ZAN: variants seen among roughly 807,000 people sequenced by gnomAD.
ZAN encodes the protein zonadhesin, also known as zonadhesin (gene/pseudogene).
In ZAN, 260 loss-of-function variants were observed where a neutral mutation model predicts 286.2. That is an observed-to-expected ratio of 0.91 (90% CI 0.82 to 1.01). The LOEUF (loss-of-function observed/expected upper bound fraction) is 1.01. ZAN is among the 50% of genes least tolerant of loss of function. The pLI, the probability that ZAN is intolerant of heterozygous loss-of-function variation, is 0.00. For missense variants in ZAN, 3,410 were observed against 3,639.2 expected (o/e 0.94, Z 1.62); for synonymous variants, 1,368 against 1,417.5 (o/e 0.97, Z 0.79).
At chr7:100,764,793 G>A (rs1464464328) in intron 22 of ZAN, among the ~76,000 whole-genome samples, 4 of 152,038 alleles carry the variant, frequency 2.6e-5, no homozygotes, top group African/African-American at 4.8e-5. Context: ...CAGGAAAATC[G>A]CTTGAACCCG....
At chr7:100,749,213 GCA>G (rs1808437997) in intron 11 of ZAN, among the ~76,000 whole-genome samples, 1 of 151,968 alleles carries the variant, frequency 6.6e-6, no homozygotes, top group African/African-American at 2.4e-5. Context: ...GTGGTGGCGT[GCA>G]CCTGTAGTCC....
At chr7:100,776,143 G>A (rs1043144670) in intron 33 of ZAN, among the ~76,000 whole-genome samples, 2 of 151,754 alleles carry the variant, frequency 1.3e-5, no homozygotes, top group Admixed American at 1.3e-4. Flanking sequence ...GTGAAACCCC[G>A]TCTCTATTAA....
Position 100,752,241 on chromosome 7 carries a change from C to T in ZAN, c.2136C>T (p.Ile712=), listed in dbSNP as rs1289481992. Residue 712 remains isoleucine, a synonymous_variant, in exon 14 of 48, where the codon ATC becomes ATT. Transcript: ENST00000613979. ...ETIISTEKPT[I]SPEKPTIPTE... Reference sequence around the variant, plus strand: ...TCATCTCCACAGAAAAACCCACCATCTCCCCAGAAAAACCCACCATCCCCA... The same window carrying T: ...TCATCTCCACAGAAAAACCCACCATTTCCCCAGAAAAACCCACCATCCCCA... 13 of 1,606,872 alleles carry T rather than the reference C, an allele frequency of 8.1e-6. No homozygotes were observed. The highest frequency in any genetic ancestry group is 1.1e-5 in the Non-Finnish European group (13 of 1,177,530).
chr7:100,791,713 G>A (rs1227594143), intron 40 of ZAN, among the ~76,000 whole-genome samples: 1 of 151,596 alleles, frequency 6.6e-6, no homozygotes, highest in African/African-American at 2.4e-5. Flanking sequence ...AGCCCCAGTA[G>A]TTCTTATTTC....
intron 31 of ZAN, among the ~76,000 whole-genome samples, chr7:100,774,215 C>T (rs1277757872): frequency 6.6e-6 from 1 of 152,132 alleles, no homozygotes; most frequent in African/African-American, 2.4e-5. Context: ...ATGGCTAAAC[C>T]CCGTCTCTAC....
At chr7:100,783,943 A>G (rs1278535034) in intron 35 of ZAN, among the ~76,000 whole-genome samples, 3 of 148,748 alleles carry the variant, frequency 2.0e-5, no homozygotes, top group Non-Finnish European at 4.4e-5. Context: ...ATTTGTTCAC[A>G]CTATTTTTGC....
chr7:100,760,146 C>T (rs1439813640), intron 18 of ZAN, among the ~76,000 whole-genome samples: 4 of 151,936 alleles, frequency 2.6e-5, no homozygotes, highest in East Asian at 1.9e-4. Flanking sequence ...CCTGGGAGGT[C>T]GAGGCTGCAG....
In ZAN at chr7:100,791,962, G is replaced by T. The variant is rs369839443; in HGVS notation, c.7530-4G>T. On this transcript the variant is annotated splice_region_variant and splice_polypyrimidine_tract_variant and intron_variant, in intron 40 of 47. Transcript: ENST00000613979. ...ACCTGACCCCGTGGCTGTCTCTACT[G>T]CAGGGCTATACCAGCGGAGGAGGAG... 5.0e-6 allele frequency: 8 copies of T among 1,609,774 alleles called. No individual in the cohort carries two copies. In the Admixed American group the frequency reaches 6.7e-5, roughly 14 times the overall value.
Position 100,752,747 on chromosome 7 carries a change from C to G in ZAN, c.2642C>G (p.Pro881Arg). Residue 881 changes from proline to arginine, a missense_variant, in exon 14 of 48, where the codon CCC (proline) becomes CGC (arginine). Coordinates refer to ENST00000613979, the MANE Select transcript of ZAN (RefSeq NM_003386.3). ...LTIPTEKLTI[P>R]TEKPTIPIEE... ...ATCCCCACGGAAAAACTCACCATCCCCACGGAAAAACCCACCATCCCCATT... is the reference window on the plus strand; with the variant it reads ...ATCCCCACGGAAAAACTCACCATCCGCACGGAAAAACCCACCATCCCCATT... The G allele has an allele frequency of 1.3e-6, 2 of 1,541,046 alleles. No homozygotes were observed. The highest frequency in any genetic ancestry group is 1.8e-6 in the Non-Finnish European group (2 of 1,131,802).
rs773775545 is a variant in ZAN, at chr7:100,759,863, C to T, written c.3696+18C>T. 9 of 1,609,822 alleles carry T rather than the reference C, an allele frequency of 5.6e-6. No homozygotes were observed. In the South Asian group the frequency reaches 8.9e-5, roughly 16 times the overall value. On this transcript the variant is annotated intron_variant, in intron 18 of 47. Transcript: ENST00000613979. Reference sequence around the variant, plus strand: ...GCACTCTGGTGAGCCCCATTCCACCCCCACCATCCTTGCAGGGTCTGACTG... The same window carrying T: ...GCACTCTGGTGAGCCCCATTCCACCTCCACCATCCTTGCAGGGTCTGACTG...
Position 100,759,734 on chromosome 7 carries a change from G to A in ZAN, c.3585G>A (p.Arg1195=), listed in dbSNP as rs192878313. Residue 1195 remains arginine (R), a synonymous_variant, in exon 18 of 48, where the codon AGG becomes AGA. Coordinates refer to ENST00000613979, the MANE Select transcript of ZAN (RefSeq NM_003386.3). ...CTCCCTACCCAGACCCATTCTTCAG[G>A]GTGACAGCCAAGAATGAGGAGCAGG... ...PCGNSTDPFF[R]VTAKNEEQGQ... 237 of 1,589,170 alleles carry A rather than the reference G, an allele frequency of 1.5e-4. No homozygotes were observed. In the Middle Eastern group the frequency reaches 4.0e-3, roughly 27 times the overall value.
At chr7:100,767,779 T>C in intron 25 of ZAN, 52 bp from the exon 26 acceptor site, 1 of 1,570,130 alleles carries the variant, frequency 6.4e-7, no homozygotes, top group Non-Finnish European at 8.6e-7. Context: ...TCCTTGCCTT[T>C]ATCCCGAGTT....
intron 12 of ZAN, 38 bp downstream of exon 12, chr7:100,750,934 G>A: frequency 6.6e-7 from 1 of 1,518,216 alleles, no homozygotes; most frequent in Non-Finnish European, 8.8e-7. Flanking sequence ...TGTGTGAGGT[G>A]AGAGGGCCAA....
intron 9 of ZAN, 90 bp downstream of exon 9, chr7:100,747,731 C>T (rs1243755037): frequency 7.8e-7 from 1 of 1,284,490 alleles, no homozygotes; most frequent in Non-Finnish European, 1.1e-6. Flanking sequence ...TGGCTCATGC[C>T]TGTATTCCCA....
chr7:100,796,878 CTG>C (rs1323825146), intron 45 of ZAN, among the ~76,000 whole-genome samples: 5 of 151,934 alleles, frequency 3.3e-5, no homozygotes, highest in Non-Finnish European at 5.9e-5. Flanking sequence ...TGGTTCATGC[CTG>C]TAATTTCAGG....
chr7:100,759,783 A>C lies in ZAN; in HGVS notation c.3634A>C (p.Ser1212Arg). The change falls in exon 18 of 48, where the codon AGC (serine) becomes CGC (arginine). Residue 1212 changes from serine to arginine, a missense_variant. Ser to Arg is a moderately radical substitution (Grantham distance 110). Around this residue, in one of 7 missense-constraint regions of ZAN, gnomAD observed 1,042 missense variants for 1,058.0 expected, o/e 0.98. Coordinates refer to ENST00000613979, the MANE Select transcript of ZAN (RefSeq NM_003386.3). ...EQGQEGVSCL[S>R]KVYVTLPEST... is the part of the protein sequence containing the mutation. ...GGGACAGGAAGGCGTGTCCTGCCTG[A>C]GCAAAGTCTACGTGACCCTGCCCGA... 1 of 1,606,490 alleles carries C rather than the reference A, an allele frequency of 6.2e-7. No individual in the cohort carries two copies. The highest frequency in any genetic ancestry group is 8.5e-7 in the Non-Finnish European group (1 of 1,176,852).
At position 100,767,058 on chromosome 7, in the gene ZAN, A is replaced by G. The variant is rs1810025532; in HGVS notation, c.4661A>G (p.Asp1554Gly). Residue 1554 changes from aspartate to glycine, a missense_variant, in exon 25 of 48, where the codon GAT (aspartate) becomes GGT (glycine). Asp to Gly is a moderately conservative substitution (Grantham distance 94). This residue lies in a region of ZAN where 1,042 missense variants were observed against 1,058.0 expected (regional missense o/e 0.98). Transcript: ENST00000613979. The stretch of plus-strand genomic sequence containing the variant: ...GGTGACCCCCACTACCTGACCTTCG[A>G]TGGCGCCTTGCACCACTTCATGGGC... ...ASGDPHYLTFDGALHHFMGTC... is the reference protein window; with the variant it reads ...ASGDPHYLTFGGALHHFMGTC... 3 of 1,613,614 alleles carry G rather than the reference A, an allele frequency of 1.9e-6. No individual in the cohort carries two copies. Among genetic ancestry groups the G allele is most frequent in the African/African-American group, 2.7e-5 (2 of 74,850 alleles).
chr7:100,739,682 G>C (rs1309146374), intron 7 of ZAN, among the ~76,000 whole-genome samples: 1 of 136,642 alleles, frequency 7.3e-6, no homozygotes, highest in Non-Finnish European at 1.6e-5. Flanking sequence ...TTTGGAGACA[G>C]AGTCTCGCCC....
chr7:100,796,722 T>G, intron 45 of ZAN, among the ~76,000 whole-genome samples: 1 of 152,082 alleles, frequency 6.6e-6, no homozygotes, highest in Non-Finnish European at 1.5e-5. Flanking sequence ...AACCAGAATC[T>G]GCATTTTCAA....
Sources: allele counts gnomAD v4.1 joint callset (sites outside exome capture counted in the v4.1 genomes callset), GRCh38; gene constraint gnomAD v4.1.1; regional missense constraint gnomAD v4.1.1; transcripts MANE v1.5; gene names NCBI Gene and HGNC (gene_info 2026-07-23, HGNC 2026-07-21).